The following RGS12 variants were observed in gnomAD, a reference collection of about 807,000 sequenced individuals.
The protein encoded by RGS12 is regulator of G-protein signaling 12.
Under a neutral mutation model 120.1 loss-of-function variants are expected in RGS12, and 66 were observed. The observed-to-expected ratio is 0.55, with a 90% CI of 0.45 to 0.67. The LOEUF (loss-of-function observed/expected upper bound fraction) is 0.67, where lower values mean the gene tolerates loss of function less well. RGS12 is among the 30% of genes least tolerant of loss of function. RGS12 has a pLI of 0.00. For missense variants in RGS12, 1,859 were observed against 1,957.7 expected (o/e 0.95, Z 0.95); for synonymous variants, 827 against 804.7 (o/e 1.03, Z -0.47).
rs1222363274 is a variant in RGS12, at chr4:3,439,773, C to G, written c.*89C>G. ...GTGGGCCTCAGGGGGGCCACCCTGG[C>G]CACCACACCCTCAGGAGCCCAGCCA... is the stretch of plus-strand genomic sequence containing the variant. On this transcript the variant is annotated 3_prime_UTR_variant, in exon 18 of 18. Transcript: ENST00000336727. The G allele has an allele frequency of 7.9e-7, 1 of 1,258,734 alleles. No individual in the cohort carries two copies. The highest frequency in any genetic ancestry group is 1.1e-6 in the Non-Finnish European group (1 of 935,038). 78.0% of individuals were successfully genotyped at this position (1,258,734 alleles called of 1,614,324 possible).
chr4:3,354,154 C>T lies in RGS12; in HGVS notation c.1998+11101C>T, dbSNP rs547504442. Among the ~76,000 whole-genome samples, 18 of 152,260 alleles carry T rather than the reference C, an allele frequency of 1.2e-4. No individual in the cohort carries two copies. In the South Asian group the frequency reaches 3.7e-3, roughly 32 times the overall value. ...ATTCTTTAAAACTGTGTAAATTAAG[C>T]AATACCCTTGCTGGCTGCCCAGCCA... On this transcript the variant is annotated intron_variant, in intron 3 of 17. Transcript: ENST00000336727.
At chr4:3,396,048 T>A (rs1720018444) in intron 4 of RGS12, among the ~76,000 whole-genome samples, 1 of 152,224 alleles carries the variant, frequency 6.6e-6, no homozygotes. Context: ...TACTATATTG[T>A]TTTTATTTGT....
chr4:3,358,054 G>A (rs1208275028), intron 3 of RGS12, among the ~76,000 whole-genome samples: 2 of 152,132 alleles, frequency 1.3e-5, no homozygotes, highest in South Asian at 2.1e-4. Flanking sequence ...CATTGTACAA[G>A]TCTTTCACCT....
At chr4:3,402,082 C>G (rs932965764) in intron 4 of RGS12, among the ~76,000 whole-genome samples, 1 of 152,264 alleles carries the variant, frequency 6.6e-6, no homozygotes, top group Non-Finnish European at 1.5e-5. Flanking sequence ...ATGGGACCAG[C>G]ATGGTGACCA....
intron 2 of RGS12, chr4:3,342,590 A>G (rs1461129498): frequency 2.3e-6 from 3 of 1,315,330 alleles, no homozygotes; most frequent in South Asian, 2.5e-5. Flanking sequence ...TACTGTGTCC[A>G]CTTTCCAAGC....
intron 3 of RGS12, among the ~76,000 whole-genome samples, chr4:3,343,623 G>A (rs573511994): frequency 6.6e-6 from 1 of 151,780 alleles, no homozygotes; most frequent in Non-Finnish European, 1.5e-5. Context: ...GCTTAGGTCC[G>A]CAGCTCACAC....
chr4:3,334,483 C>T lies in RGS12; in HGVS notation c.1882-8454C>T, dbSNP rs555693267. On this transcript the variant is annotated intron_variant, in intron 2 of 17. Coordinates refer to ENST00000336727, the MANE Select transcript of RGS12 (RefSeq NM_001394154.1). ...TTGAGTGAGACTATCTCGTACTTTC[C>T]CTTCTCATTATCTTTGTCGAGTTTT... 3.3e-5 allele frequency among the ~76,000 whole-genome samples: 5 copies of T among 152,104 alleles called. No individual in the cohort carries two copies. The South Asian group carries it at 8.3e-4, about 25-fold the overall frequency.
chr4:3,288,229 C>T (rs1722945189), upstream of RGS12, among the ~76,000 whole-genome samples: 1 of 151,890 alleles, frequency 6.6e-6, no homozygotes. This position sits in a 1 kb window ranked among gnomAD's most constrained non-coding sequence, Gnocchi z 5.2. Flanking sequence ...TGTGGGAGGG[C>T]TGGGGCTGGA....
intron 3 of RGS12, among the ~76,000 whole-genome samples, chr4:3,349,953 A>G (rs1319113339): frequency 6.6e-6 from 1 of 152,220 alleles, no homozygotes; most frequent in Non-Finnish European, 1.5e-5. Context: ...ATGACAGTCT[A>G]TAAGCACTTT....
At chr4:3,338,388 G>T (rs1267407482) in intron 2 of RGS12, among the ~76,000 whole-genome samples, 1 of 152,262 alleles carries the variant, frequency 6.6e-6, no homozygotes, top group East Asian at 1.9e-4. Flanking sequence ...GAGTGGCCAA[G>T]AAATTTGGTA....
chr4:3,393,513 G>A (rs1202889774), intron 4 of RGS12, among the ~76,000 whole-genome samples: 1 of 152,124 alleles, frequency 6.6e-6, no homozygotes, highest in Non-Finnish European at 1.5e-5. Flanking sequence ...GCCCCACCTT[G>A]TGCTGTGGTT....
At chr4:3,387,218 G>A (rs1451765413) in intron 4 of RGS12, among the ~76,000 whole-genome samples, 1 of 152,250 alleles carries the variant, frequency 6.6e-6, no homozygotes, top group African/African-American at 2.4e-5. Flanking sequence ...GGGATGGGCT[G>A]AGGCACAGGC....
At chr4:3,320,157 G>A (rs1285917092) in intron 2 of RGS12, among the ~76,000 whole-genome samples, 1 of 152,264 alleles carries the variant, frequency 6.6e-6, no homozygotes, top group Non-Finnish European at 1.5e-5. Context: ...GACCTGGACA[G>A]TGGGGAGTAT....
chr4:3,321,651 C>G (rs1040512428), intron 2 of RGS12, among the ~76,000 whole-genome samples: 2 of 152,224 alleles, frequency 1.3e-5, no homozygotes, highest in African/African-American at 4.8e-5. Flanking sequence ...TTGCCTGCAC[C>G]CCAGGGCAGG....
At chr4:3,342,309 T>C (rs1291618142) in intron 2 of RGS12, 2 of 818,958 alleles carry the variant, frequency 2.4e-6, no homozygotes, top group East Asian at 9.5e-5. Flanking sequence ...CAGCTTCTCA[T>C]CTGGGGAAGT....
chr4:3,352,939 G>A (rs1714503328), intron 3 of RGS12, among the ~76,000 whole-genome samples: 1 of 152,210 alleles, frequency 6.6e-6, no homozygotes, highest in South Asian at 2.1e-4. Context: ...ACAGACAAGA[G>A]TTGTGAGTTA....
At position 3,430,989 on chromosome 4, in the gene RGS12, C is replaced by T. The variant is rs532808065; in HGVS notation, c.4114+34C>T. Reference sequence around the variant, plus strand: ...AGGTTCTGATCCCTCCACCTTGGCCCCGTAAGCGTGGTCTGCTCAGCTTCC... The same window carrying T: ...AGGTTCTGATCCCTCCACCTTGGCCTCGTAAGCGTGGTCTGCTCAGCTTCC... On this transcript the variant is annotated intron_variant, in intron 17 of 17. Transcript: ENST00000336727. 29 of 1,605,116 alleles carry T rather than the reference C, an allele frequency of 1.8e-5. No individual in the cohort carries two copies. In the African/African-American group the frequency reaches 3.7e-4, roughly 21 times the overall value.
chr4:3,392,652 T>C (rs1719621079), intron 4 of RGS12, among the ~76,000 whole-genome samples: 1 of 152,232 alleles, frequency 6.6e-6, no homozygotes, highest in Non-Finnish European at 1.5e-5. Context: ...TTCTATTTTT[T>C]TCATTTCTTT....
intron 3 of RGS12, among the ~76,000 whole-genome samples, chr4:3,368,440 C>CTG (rs1260212056): frequency 2.1e-5 from 2 of 95,226 alleles, no homozygotes; most frequent in African/African-American, 4.1e-5. Context: ...GTGTGGGTGC[C>CTG]TGTGTGTGTG....
Sources: allele counts gnomAD v4.1 joint callset (sites outside exome capture counted in the v4.1 genomes callset), GRCh38; gene constraint gnomAD v4.1.1; non-coding constraint Gnocchi (gnomAD v3.1); transcripts MANE v1.5; gene names NCBI Gene and HGNC (gene_info 2026-07-23, HGNC 2026-07-21).